MAZ: variants seen among roughly 807,000 people sequenced by gnomAD.
MAZ encodes the protein MYC associated zinc finger protein, also known as myc-associated zinc finger protein.
Under a neutral mutation model 32.7 loss-of-function variants are expected in MAZ, and 4 were observed. That is an observed-to-expected ratio of 0.12 (90% CI 0.06 to 0.28). MAZ has a LOEUF of 0.28. MAZ is among the 10% of genes least tolerant of loss of function. MAZ has a pLI of 1.00. For missense variants in MAZ, 763 were observed against 667.2 expected (o/e 1.14, Z -1.58); for synonymous variants, 510 against 297.6 (o/e 1.71, Z -7.35).
rs1555501582 is a variant in MAZ, at chr16:29,810,129, A to AGCAGCG, written c.1338_1343dup (p.Ala447_Ala448dup). The AGCAGCG allele has an allele frequency of 2.5e-6, 4 of 1,600,426 alleles. No homozygotes were observed. The South Asian group carries it at 3.3e-5, about 13-fold the overall frequency. ...CGGCAGCGGCAGCGGCGGCAGCGGC[A>AGCAGCG]GCAGCGGCAGCAGTAGCAGCCCCTC... On this transcript the variant is annotated inframe_insertion, in exon 5 of 5. Coordinates refer to ENST00000322945, the MANE Select transcript of MAZ (RefSeq NM_002383.4).
chr16:29,807,070 CGCCGCGGCTGCTGCGGCCGCT>C lies in MAZ; in HGVS notation c.291_311del (p.Ala102_Ala108del). The C allele has an allele frequency of 2.0e-6, 2 of 1,023,622 alleles. No homozygotes were observed. Among genetic ancestry groups the C allele is most frequent in the East Asian group, 9.8e-5 (1 of 10,200 alleles). 63.4% of individuals were successfully genotyped at this position (1,023,622 alleles called of 1,614,324 possible). A position where few individuals can be genotyped will look rare whatever the true frequency, so the allele number is the denominator to read the frequency against. On this transcript the variant is annotated inframe_deletion, in exon 2 of 5. Coordinates refer to ENST00000322945, the MANE Select transcript of MAZ (RefSeq NM_002383.4). ...CGGTGCTCGCCGCCGCCCAGGAGTC[CGCCGCGGCTGCTGCGGCCGCT>C]GCCGCCGCTGCTGCCGCCGTCGCTG...
intron 4 of MAZ, 58 bp downstream of exon 4, chr16:29,808,799 G>C (rs776704636): frequency 7.1e-6 from 11 of 1,555,550 alleles, no homozygotes; most frequent in Non-Finnish European, 8.8e-6. Context: ...CTGGCCAGAC[G>C]CCTTGCCACG....
chr16:29,808,064 G>A (rs1308801501), intron 2 of MAZ, 166 bp from the exon 3 acceptor site: 5 of 981,532 alleles, frequency 5.1e-6, no homozygotes, highest in African/African-American at 4.9e-5. Flanking sequence ...CGGCGGCGGC[G>A]GCAGCGGCTG....
rs766218374 is a variant in MAZ, at chr16:29,810,183, G to A, written c.1386G>A (p.Ala462=). Residue 462 remains alanine (A), a synonymous_variant, in exon 5 of 5, where the codon GCG becomes GCA. Coordinates refer to ENST00000322945, the MANE Select transcript of MAZ (RefSeq NM_002383.4). The stretch of plus-strand genomic sequence containing the variant: ...CAGCTGTGGGCTCCCTCTCGGGGGC[G>A]GAGGGGGTGCCTGTGAGCTCTCAGC... ...PPTAVGSLSG[A]EGVPVSSQPL... 3 of 1,607,626 alleles carry A rather than the reference G, an allele frequency of 1.9e-6. No homozygotes were observed. Among genetic ancestry groups the A allele is most frequent in the South Asian group, 1.1e-5 (1 of 90,642 alleles).
rs1899517994 is a variant in MAZ, at chr16:29,806,983, G to C, written c.198G>C (p.Ala66=). Residue 66 remains alanine (A), a synonymous_variant, in exon 2 of 5, where the codon GCG becomes GCC. Coordinates refer to ENST00000322945, the MANE Select transcript of MAZ (RefSeq NM_002383.4). ...TCGGCGCCTTGTCTCCGCAGGCCGC[G>C]CCGGCGCCCCCGCCCACGCCCCAGG... ...QGCAQSPFQA[A]PAPPPTPQAP... 3 of 1,023,400 alleles carry C rather than the reference G, an allele frequency of 2.9e-6. No individual in the cohort carries two copies. Among genetic ancestry groups the C allele is most frequent in the Non-Finnish European group, 3.5e-6 (3 of 858,948 alleles). The allele number at this position is 1,023,400 out of a possible 1,614,324, so 63.4% of individuals were successfully genotyped here. A position where few individuals can be genotyped will look rare whatever the true frequency, so the allele number is the denominator to read the frequency against.
rs540404753 is a variant in MAZ, at chr16:29,810,095, C to A, written c.1298C>A (p.Pro433Gln). ...LCNKGTGEVC[P>Q]MAAAAAAAAA... ...TGTGCAGGTACTGGTGAGGTTTGTC[C>A]AATGGCGGCGGCAGCGGCAGCGGCG... Residue 433 changes from proline to glutamine, a missense_variant, in exon 5 of 5, where the codon CCA becomes CAA. Transcript: ENST00000322945. The A allele has an allele frequency of 6.8e-6, 11 of 1,611,734 alleles. No homozygotes were observed. In the Admixed American group the frequency reaches 1.8e-4, roughly 27 times the overall value.
intron 3 of MAZ, 44 bp from the exon 4 acceptor site, chr16:29,808,526 T>G (rs1899691467): frequency 8.7e-7 from 1 of 1,151,346 alleles, no homozygotes; most frequent in Non-Finnish European, 1.2e-6. Context: ...CCACCAAGCT[T>G]TAACTCTCCT....
At chr16:29,809,819 G>A in intron 4 of MAZ, 1 of 1,031,828 alleles carries the variant, frequency 9.7e-7, no homozygotes, top group Non-Finnish European at 1.4e-6. Flanking sequence ...GGACAACGGG[G>A]CTCAAAGGGC....
chr16:29,809,078 G>A lies in MAZ; in HGVS notation c.1279+337G>A, dbSNP rs964047674. 15 of 525,480 alleles carry A rather than the reference G, an allele frequency of 2.9e-5. No individual in the cohort carries two copies. The Admixed American group carries it at 4.4e-4, about 15-fold the overall frequency. The allele number at this position is 525,480 out of a possible 1,614,324, so 32.6% of individuals were successfully genotyped here. ...TTCCGCTGCGCAGCCACAAGGTCTT[G>A]TCTCCAGCTCCTGGGGCAGGTGGAG... On this transcript the variant is annotated intron_variant, in intron 4 of 4. Coordinates refer to ENST00000322945, the MANE Select transcript of MAZ (RefSeq NM_002383.4).
chr16:29,807,560 G>T lies in MAZ; in HGVS notation c.775G>T (p.Ala259Ser). 6.2e-7 allele frequency: 1 copy of T among 1,604,736 alleles called. No individual in the cohort carries two copies. The highest frequency in any genetic ancestry group is 8.5e-7 in the Non-Finnish European group (1 of 1,176,450). Residue 259 changes from alanine (A) to serine (S), a missense_variant, in exon 2 of 5, where the codon GCA becomes TCA. Transcript: ENST00000322945. Reference protein sequence around the residue: ...GEAGAGGGAAAVAAGGVVTTT... With the variant: ...GEAGAGGGAASVAAGGVVTTT... ...GGCGGGTGCCGGCGGCGGCGCTGCC[G>T]CAGTGGCCGCCGGTGGCGTGGTGAC...
At chr16:29,808,480 C>G in intron 3 of MAZ, 90 bp from the exon 4 acceptor site, 2 of 1,052,056 alleles carry the variant, frequency 1.9e-6, no homozygotes, top group Non-Finnish European at 1.4e-6. Context: ...CCCCAAGGCT[C>G]TGATTCCTTT....
intron 1 of MAZ, 40 bp from the exon 2 acceptor site, chr16:29,806,938 C>A (rs747047927): frequency 8.6e-7 from 1 of 1,168,726 alleles, no homozygotes; most frequent in Non-Finnish European, 1.1e-6. Flanking sequence ...GGGGGACGCC[C>A]GCCCGCACCC....
intron 2 of MAZ, 87 bp from the exon 3 acceptor site, chr16:29,808,143 A>AG: frequency 1.6e-6 from 2 of 1,226,040 alleles, no homozygotes; most frequent in South Asian, 2.4e-5. Context: ...GAGGAGGCGC[A>AG]GGGATCCTCG....
chr16:29,808,583 C>T lies in MAZ; in HGVS notation c.1121C>T (p.Ala374Val). Residue 374 changes from alanine (A) to valine (V), a missense_variant, in exon 4 of 5, where the codon GCT becomes GTT. Coordinates refer to ENST00000322945, the MANE Select transcript of MAZ (RefSeq NM_002383.4). ...RPFKCEKCEA[A>V]FATKDRLRAH... ...CCCCCTCCTCAGAAATGTGAGGCAG[C>T]TTTCGCCACGAAGGATCGGCTGCGG... is the stretch of plus-strand genomic sequence containing the variant. The T allele has an allele frequency of 6.2e-6, 10 of 1,611,214 alleles. No individual in the cohort carries two copies. Among genetic ancestry groups the T allele is most frequent in the Non-Finnish European group, 8.5e-6 (10 of 1,178,808 alleles).
At position 29,808,728 on chromosome 16, in the gene MAZ, G is replaced by A. The variant is rs771873431; in HGVS notation, c.1266G>A (p.Glu422=). The part of the protein sequence containing the change: ...VHSQGPHHVC[E]LCNKGTGEVC... ...GCCAGGGTCCTCACCATGTCTGTGA[G>A]CTCTGCAACAAAGGTACATGCCGAG... The change falls in exon 4 of 5, where the codon GAG becomes GAA. Residue 422 remains glutamate (E), a synonymous_variant. Coordinates refer to ENST00000322945, the MANE Select transcript of MAZ (RefSeq NM_002383.4). 2 of 1,613,688 alleles carry A rather than the reference G, an allele frequency of 1.2e-6. No individual in the cohort carries two copies. The highest frequency in any genetic ancestry group is 1.7e-5 in the Admixed American group (1 of 59,982).
rs945811630 is a variant in MAZ at position 29,810,410 on chromosome 16, C to T, written c.*179C>T. 5 of 767,310 alleles carry T rather than the reference C, an allele frequency of 6.5e-6. No homozygotes were observed. Among genetic ancestry groups the T allele is most frequent in the African/African-American group, 3.4e-5 (2 of 58,368 alleles). 47.5% of individuals were successfully genotyped at this position (767,310 alleles called of 1,614,324 possible). ...GCTAGGTTTTAACGATTTGTTTCTC[C>T]TGCTCCTCTTCTGTCAGACCTGACC... On this transcript the variant is annotated 3_prime_UTR_variant, in exon 5 of 5. Transcript: ENST00000322945.
At position 29,806,735 on chromosome 16, in the gene MAZ, C is replaced by G. The variant is rs530190319; in HGVS notation, c.34C>G (p.Pro12Ala). 2 of 1,390,438 alleles carry G rather than the reference C, an allele frequency of 1.4e-6. No homozygotes were observed. The highest frequency in any genetic ancestry group is 1.5e-5 in the African/African-American group (1 of 64,806). 86.1% of individuals were successfully genotyped at this position (1,390,438 alleles called of 1,614,324 possible). ...GGTGTTTCCTTGCACGCTGCTGGCC[C>G]CCCCCTTCCCCGTGCTGGGCCTGGA... ...FPVFPCTLLAPPFPVLGLDSR... is the reference protein window; with the variant it reads ...FPVFPCTLLAAPFPVLGLDSR... The change falls in exon 1 of 5, where the codon CCC (proline) becomes GCC (alanine). Residue 12 changes from proline to alanine, a missense_variant. Transcript: ENST00000322945.
rs1331749867 is a variant in MAZ at position 29,809,365 on chromosome 16, A to AG, written c.1279+627dup. On this transcript the variant is annotated intron_variant, in intron 4 of 4. Coordinates refer to ENST00000322945, the MANE Select transcript of MAZ (RefSeq NM_002383.4). The stretch of plus-strand genomic sequence containing the variant: ...ACCACACAAGCCAGGCCCCAGGCTC[A>AG]GGGAGGGGCTGTGTCTACCAGCCCC... 5.0e-6 allele frequency: 3 copies of AG among 595,106 alleles called. No individual in the cohort carries two copies. The African/African-American group carries it at 5.6e-5, about 11-fold the overall frequency. 36.9% of individuals were successfully genotyped at this position (595,106 alleles called of 1,614,324 possible).
intron 3 of MAZ, 122 bp downstream of exon 3, chr16:29,808,415 T>G (rs1206758580): frequency 2.7e-6 from 3 of 1,092,946 alleles, no homozygotes; most frequent in Non-Finnish European, 4.1e-6. Flanking sequence ...CTCCATTTTC[T>G]CATCCCTTCT....
Sources: gnomAD v4.1 joint callset for allele counts on GRCh38, gnomAD v4.1.1 for gene constraint, MANE v1.5 for transcripts, NCBI Gene and HGNC (gene_info 2026-07-23, HGNC 2026-07-21) for gene names.